The following ALMS1 variants were observed in gnomAD, a reference collection of about 807,000 sequenced individuals.
The protein encoded by ALMS1 is centrosome-associated protein ALMS1.
ALMS1 carries 271 observed loss-of-function variants against 352.2 expected under a neutral mutation model. The observed-to-expected ratio is 0.77, with a 90% CI of 0.70 to 0.85. The LOEUF is 0.85. ALMS1 is among the 40% of genes least tolerant of loss of function. The pLI, the probability that ALMS1 is intolerant of heterozygous loss-of-function variation, is 0.00. For synonymous variants in ALMS1, 1,865 were observed against 1,761.2 expected, an observed-to-expected ratio of 1.06 and a Z score of -1.48; for missense variants, 5,445 against 4,870.7, an observed-to-expected ratio of 1.12 and a Z score of -3.51.
chr2:73,504,290 G>A (rs11899368), intron 10 of ALMS1, among the ~76,000 whole-genome samples: 2,517 of 152,258 alleles, frequency 0.017, 68 homozygotes, highest in African/African-American at 0.057. Flanking sequence ...GCATATATGT[G>A]TAATTCTGTA....
chr2:73,598,656 A>G (rs931123697), intron 16 of ALMS1, among the ~76,000 whole-genome samples: 2 of 152,126 alleles, frequency 1.3e-5, no homozygotes, highest in African/African-American at 4.8e-5. Flanking sequence ...CAAAATATAG[A>G]TTACCAGACC....
At position 73,462,195 on chromosome 2, in the gene ALMS1, A is replaced by G. The variant is rs1024923516; in HGVS notation, c.7674+6900A>G. Among the ~76,000 whole-genome samples, 5 of 152,224 alleles carry G rather than the reference A, an allele frequency of 3.3e-5. No homozygotes were observed. In the South Asian group the frequency reaches 8.3e-4, roughly 25 times the overall value. On this transcript the variant is annotated intron_variant, in intron 9 of 22. Transcript: ENST00000613296. ...TGAAATGAAGGAAAAAATGTTAAGG[A>G]CAGCCAGAGAGAAAGGTCGGATTAC... is the stretch of plus-strand genomic sequence containing the variant.
At chr2:73,464,792 T>C (rs1672292715) in intron 9 of ALMS1, among the ~76,000 whole-genome samples, 1 of 152,160 alleles carries the variant, frequency 6.6e-6, no homozygotes, top group Non-Finnish European at 1.5e-5. Flanking sequence ...AGCATTCTTA[T>C]ACACCAACAG....
chr2:73,464,470 C>G (rs985589671), intron 9 of ALMS1, among the ~76,000 whole-genome samples: 2 of 152,186 alleles, frequency 1.3e-5, no homozygotes, highest in African/African-American at 2.4e-5. Flanking sequence ...CTATCTATGA[C>G]AAACCCACAG....
intron 1 of ALMS1, among the ~76,000 whole-genome samples, chr2:73,402,384 G>T (rs1670891630): frequency 6.9e-6 from 1 of 145,092 alleles, no homozygotes; most frequent in Non-Finnish European, 1.5e-5. Flanking sequence ...AGCGATTCTT[G>T]TGTCTCAGCC....
In ALMS1 at chr2:73,609,737, A is replaced by G; in HGVS notation, c.*125A>G. ...TGTCCATGTGTATTTTAGAAATAGT[A>G]ACTTCTAAAGAGTCTGGAACAAAGT... On this transcript the variant is annotated 3_prime_UTR_variant, in exon 23 of 23. Coordinates refer to ENST00000613296, the MANE Select transcript of ALMS1 (RefSeq NM_001378454.1). 1 of 982,832 alleles carries G rather than the reference A, an allele frequency of 1.0e-6. No individual in the cohort carries two copies. The highest frequency in any genetic ancestry group is 1.6e-6 in the Non-Finnish European group (1 of 625,782). The allele number at this position is 982,832 out of a possible 1,614,324, so 60.9% of individuals were successfully genotyped here.
At chr2:73,514,603 CAA>C (rs1673519280) in intron 10 of ALMS1, among the ~76,000 whole-genome samples, 1 of 152,088 alleles carries the variant, frequency 6.6e-6, no homozygotes, top group Non-Finnish European at 1.5e-5. Flanking sequence ...TATATATACA[CAA>C]GAGTGTATGT....
intron 7 of ALMS1, among the ~76,000 whole-genome samples, chr2:73,436,957 T>C (rs1572922718): frequency 1.3e-5 from 2 of 152,246 alleles, no homozygotes; most frequent in African/African-American, 4.8e-5. Context: ...TTTTCTGTTA[T>C]TGTTCTAAAC....
intron 16 of ALMS1, among the ~76,000 whole-genome samples, chr2:73,588,318 C>G (rs1209176566): frequency 6.6e-6 from 1 of 152,156 alleles, no homozygotes; most frequent in Non-Finnish European, 1.5e-5. Flanking sequence ...TCTTTGCACT[C>G]TGTCTGTTTC....
rs373972884 is a variant in ALMS1 at position 73,422,927 on chromosome 2, G to C, written c.717G>C (p.Ala239=). ...LTCLTQDQEF[A]PDSLFHQSEL... Reference sequence around the variant, plus strand: ...GTTTGACACAAGACCAAGAATTTGCGCCTGATTCTTTATTTCATCAAAGTG... The same window carrying C: ...GTTTGACACAAGACCAAGAATTTGCCCCTGATTCTTTATTTCATCAAAGTG... The change falls in exon 4 of 23, where the codon GCG becomes GCC. Residue 239 remains alanine, a synonymous_variant. Transcript: ENST00000613296. 6.2e-7 allele frequency: 1 copy of C among 1,613,472 alleles called. No individual in the cohort carries two copies. Among genetic ancestry groups the C allele is most frequent in the Non-Finnish European group, 8.5e-7 (1 of 1,179,648 alleles).
intron 9 of ALMS1, among the ~76,000 whole-genome samples, chr2:73,472,712 T>C (rs1196503896): frequency 6.6e-6 from 1 of 152,058 alleles, no homozygotes; most frequent in Non-Finnish European, 1.5e-5. Flanking sequence ...ACAATGACTT[T>C]GAAGACAGCA....
intron 10 of ALMS1, among the ~76,000 whole-genome samples, chr2:73,519,043 A>C (rs895859487): frequency 1.1e-4 from 16 of 152,316 alleles, no homozygotes; most frequent in African/African-American, 3.1e-4. Context: ...TGTGGTATCC[A>C]CATCATCACT....
chr2:73,452,854 G>T lies in ALMS1; in HGVS notation c.6327G>T (p.Leu2109Phe). 6.2e-7 allele frequency: 1 copy of T among 1,613,822 alleles called. No individual in the cohort carries two copies. The highest frequency in any genetic ancestry group is 8.5e-7 in the Non-Finnish European group (1 of 1,179,978). The change falls in exon 8 of 23, where the codon TTG (leucine) becomes TTT (phenylalanine). Residue 2109 changes from leucine to phenylalanine, a missense_variant. Leu to Phe is a conservative substitution (Grantham distance 22). Transcript: ENST00000613296. ...CGAATATTTTCAGTCCACAGGAATTGCCAGGTAGTCATGTAACTGAAGATG... is the reference window on the plus strand; with the variant it reads ...CGAATATTTTCAGTCCACAGGAATTTCCAGGTAGTCATGTAACTGAAGATG... ...EKSNIFSPQE[L>F]PGSHVTEDVL...
intron 9 of ALMS1, among the ~76,000 whole-genome samples, chr2:73,473,292 T>A (rs1036084694): frequency 1.3e-5 from 2 of 152,018 alleles, no homozygotes; most frequent in African/African-American, 4.8e-5. Context: ...TTTCCTTGGC[T>A]GCAGGTGTTT....
At chr2:73,432,559 T>A (rs1283820186) in intron 7 of ALMS1, among the ~76,000 whole-genome samples, 3 of 152,172 alleles carry the variant, frequency 2.0e-5, no homozygotes, top group Non-Finnish European at 4.4e-5. Context: ...TTCAGTGTCT[T>A]GTGAGGGCCT....
intron 11 of ALMS1, among the ~76,000 whole-genome samples, chr2:73,533,057 C>G (rs1227297164): frequency 6.6e-6 from 1 of 151,966 alleles, no homozygotes; most frequent in Admixed American, 6.6e-5. Context: ...CAGGACTCTG[C>G]CTGGCATCTC....
chr2:73,410,860 C>G (rs1287838297), intron 2 of ALMS1, among the ~76,000 whole-genome samples: 1 of 152,036 alleles, frequency 6.6e-6, no homozygotes, highest in Non-Finnish European at 1.5e-5. Context: ...ACTTGAGTAT[C>G]AGATTTCTCC....
At chr2:73,601,585 G>C in intron 19 of ALMS1, 149 bp downstream of exon 19, 1 of 1,297,600 alleles carries the variant, frequency 7.7e-7, no homozygotes, top group Non-Finnish European at 1.1e-6. Context: ...TTTCACGCAC[G>C]AGGGTTGGGT....
chr2:73,482,469 A>ATAAGCTT (rs1672731810), intron 9 of ALMS1, among the ~76,000 whole-genome samples: 2 of 152,166 alleles, frequency 1.3e-5, no homozygotes, highest in South Asian at 2.1e-4. Flanking sequence ...GTGCTGCTGG[A>ATAAGCTT]TTCAGTTTGC....
Sources: gnomAD v4.1 joint callset for allele counts (sites outside exome capture counted in the v4.1 genomes callset) on GRCh38, gnomAD v4.1.1 for gene constraint, MANE v1.5 for transcripts, NCBI Gene and HGNC (gene_info 2026-07-23, HGNC 2026-07-21) for gene names.